NBEA: variants seen among roughly 807,000 people sequenced by gnomAD.
The protein encoded by NBEA is neurobeachin, also known as lysosomal-trafficking regulator 2.
Under a neutral mutation model 343.4 loss-of-function variants are expected in NBEA, and 44 were observed. That is an observed-to-expected ratio of 0.13 (90% CI 0.10 to 0.16). The LOEUF (loss-of-function observed/expected upper bound fraction) is 0.16. NBEA is among the 10% of genes least tolerant of loss of function. NBEA has a pLI of 1.00. For missense variants in NBEA, 2,555 were observed against 3,631.3 expected, an observed-to-expected ratio of 0.70 and a Z score of 7.62; for synonymous variants, 1,175 against 1,238.7, an observed-to-expected ratio of 0.95 and a Z score of 1.08.
At chr13:35,594,783 T>C (rs2081692994) in intron 47 of NBEA, among the ~76,000 whole-genome samples, 1 of 152,068 alleles carries the variant, frequency 6.6e-6, no homozygotes, top group Non-Finnish European at 1.5e-5. Context: ...CACACAATGT[T>C]CATAAAAGGC....
intron 40 of NBEA, among the ~76,000 whole-genome samples, chr13:35,453,231 T>G (rs1332199039): frequency 2.0e-5 from 3 of 152,216 alleles, no homozygotes; most frequent in Non-Finnish European, 4.4e-5. Flanking sequence ...AATTATAAAC[T>G]GGAGATAGCA....
chr13:34,987,301 T>G (rs1490402645), intron 1 of NBEA, among the ~76,000 whole-genome samples: 1 of 151,092 alleles, frequency 6.6e-6, no homozygotes, highest in African/African-American at 2.4e-5. Flanking sequence ...AAAATTCTTT[T>G]AAGAATATTG....
At chr13:35,476,712 G>T in intron 41 of NBEA, 1 of 1,060,414 alleles carries the variant, frequency 9.4e-7, no homozygotes, top group Non-Finnish European at 1.2e-6. Context: ...GCACTCGTGT[G>T]GAAATTATAA....
intron 35 of NBEA, among the ~76,000 whole-genome samples, chr13:35,308,560 ATATATGTATATATATG>A (rs1318109771): frequency 2.3e-4 from 25 of 106,810 alleles, no homozygotes; most frequent in African/African-American, 8.4e-4. Context: ...GTATATATGT[ATATATGTATATATATG>A]TATATATGTA....
At chr13:35,514,711 A>G (rs2077417401) in intron 41 of NBEA, among the ~76,000 whole-genome samples, 1 of 152,168 alleles carries the variant, frequency 6.6e-6, no homozygotes, top group Admixed American at 6.5e-5. Flanking sequence ...TGCAAACAAA[A>G]AAGAGGTCGA....
intron 49 of NBEA, among the ~76,000 whole-genome samples, chr13:35,637,041 C>G (rs2083720446): frequency 6.6e-6 from 1 of 152,214 alleles, no homozygotes; most frequent in Admixed American, 6.5e-5. Flanking sequence ...TTTGGTCATT[C>G]CTACCCCAAC....
intron 48 of NBEA, among the ~76,000 whole-genome samples, chr13:35,619,126 T>C (rs995595492): frequency 6.6e-6 from 1 of 151,412 alleles, no homozygotes; most frequent in Admixed American, 6.6e-5. Context: ...TAATCTACTT[T>C]TAAAAACCCC....
intron 1 of NBEA, among the ~76,000 whole-genome samples, chr13:34,949,255 A>T (rs1257205378): frequency 6.6e-6 from 1 of 152,176 alleles, no homozygotes; most frequent in Non-Finnish European, 1.5e-5. Context: ...TTAAGGGGAT[A>T]AGAGTACTGG....
chr13:35,003,214 C>A (rs1355201053), intron 1 of NBEA, among the ~76,000 whole-genome samples: 1 of 151,936 alleles, frequency 6.6e-6, no homozygotes, highest in Non-Finnish European at 1.5e-5. Flanking sequence ...CTCTACAAAA[C>A]AAAAACCAAA....
intron 1 of NBEA, among the ~76,000 whole-genome samples, chr13:35,016,589 TAC>T (rs66655195): frequency 0.073 from 10,833 of 148,160 alleles, 686 homozygotes; most frequent in East Asian, 0.16. Context: ...TGTATGTGTA[TAC>T]ACACACACAC....
intron 40 of NBEA, among the ~76,000 whole-genome samples, chr13:35,470,508 G>C (rs917940463): frequency 6.6e-6 from 1 of 152,110 alleles, no homozygotes; most frequent in African/African-American, 2.4e-5. Flanking sequence ...TATAAATCTT[G>C]ATAGTCCTCT....
intron 34 of NBEA, among the ~76,000 whole-genome samples, chr13:35,263,997 A>G (rs1593992813): frequency 2.0e-5 from 3 of 150,760 alleles, no homozygotes; most frequent in African/African-American, 7.3e-5. Flanking sequence ...TTTTTTTTTT[A>G]AAGAAAAACT....
At chr13:35,361,173 A>G (rs2040786827) in intron 38 of NBEA, among the ~76,000 whole-genome samples, 1 of 152,054 alleles carries the variant, frequency 6.6e-6, no homozygotes, top group Non-Finnish European at 1.5e-5. Context: ...TTTTTATCAT[A>G]GTTAAATGGA....
intron 34 of NBEA, among the ~76,000 whole-genome samples, chr13:35,238,704 A>G (rs1474864910): frequency 1.3e-5 from 2 of 152,170 alleles, no homozygotes; most frequent in African/African-American, 2.4e-5. Context: ...GGCTCTATAT[A>G]CAAGTTGAAA....
At chr13:35,129,576 A>G (rs1233877562) in intron 17 of NBEA, among the ~76,000 whole-genome samples, 1 of 152,164 alleles carries the variant, frequency 6.6e-6, no homozygotes, top group Non-Finnish European at 1.5e-5. Context: ...GAAATTACCT[A>G]GAAATCAACA....
chr13:35,303,682 C>T (rs901781839), intron 35 of NBEA, among the ~76,000 whole-genome samples: 5 of 152,140 alleles, frequency 3.3e-5, no homozygotes, highest in African/African-American at 1.2e-4. Flanking sequence ...ATGCATTCAT[C>T]AGGATTTCTG....
intron 47 of NBEA, among the ~76,000 whole-genome samples, chr13:35,594,969 A>G (rs888762728): frequency 1.3e-5 from 2 of 150,942 alleles, no homozygotes; most frequent in Non-Finnish European, 3.0e-5. Flanking sequence ...ACACACACAC[A>G]CACACACACA....
chr13:35,067,901 A>G (rs1346461022), intron 8 of NBEA, among the ~76,000 whole-genome samples: 2 of 151,860 alleles, frequency 1.3e-5, no homozygotes, highest in African/African-American at 4.8e-5. Context: ...ACACTTGGCT[A>G]ATTTTTAATT....
chr13:35,580,418 G>C (rs2080967174), intron 45 of NBEA, among the ~76,000 whole-genome samples: 1 of 152,146 alleles, frequency 6.6e-6, no homozygotes, highest in South Asian at 2.1e-4. Flanking sequence ...CTTTTGACCA[G>C]AATTCTTACC....
Sources: allele counts gnomAD v4.1 joint callset (sites outside exome capture counted in the v4.1 genomes callset), GRCh38; gene constraint gnomAD v4.1.1; transcripts MANE v1.5; gene names NCBI Gene and HGNC (gene_info 2026-07-23, HGNC 2026-07-21).